Variants in NME7 observed in about 807,000 individuals in gnomAD.
The protein encoded by NME7 is nucleoside diphosphate kinase 7.
NME7 carries 41 observed loss-of-function variants against 49.1 expected under a neutral mutation model. That is an observed-to-expected ratio of 0.83 (90% CI 0.65 to 1.08). The LOEUF (loss-of-function observed/expected upper bound fraction) is 1.08. NME7 is among the 50% of genes least tolerant of loss of function. The pLI is 0.00. For synonymous variants in NME7, 139 were observed against 150.6 expected (o/e 0.92, Z 0.56); for missense variants, 423 against 463.4 (o/e 0.91, Z 0.80).
intron 1 of NME7, among the ~76,000 whole-genome samples, chr1:169,325,591 A>C (rs1371056828): frequency 6.6e-6 from 1 of 152,152 alleles, no homozygotes. Flanking sequence ...TAATAAGCAA[A>C]TAAAAGCATA....
intron 10 of NME7, among the ~76,000 whole-genome samples, chr1:169,225,973 T>C (rs1318725583): frequency 6.6e-6 from 1 of 152,204 alleles, no homozygotes. Context: ...GCAGGACCCA[T>C]TTCGATAGAA....
intron 10 of NME7, among the ~76,000 whole-genome samples, chr1:169,226,039 C>G (rs1339287904): frequency 6.6e-6 from 1 of 151,974 alleles, no homozygotes; most frequent in Non-Finnish European, 1.5e-5. Context: ...TATAATATAG[C>G]CAGTTTATTC....
At chr1:169,347,763 G>A (rs1652999091) in intron 1 of NME7, among the ~76,000 whole-genome samples, 1 of 152,090 alleles carries the variant, frequency 6.6e-6, no homozygotes, top group Non-Finnish European at 1.5e-5. Context: ...ACACTTTACT[G>A]CCACGTGTTA....
chr1:169,277,492 G>C (rs1649785151), intron 7 of NME7, among the ~76,000 whole-genome samples: 2 of 106,466 alleles, frequency 1.9e-5, no homozygotes, highest in African/African-American at 6.4e-5. Context: ...TGTTTTATCA[G>C]AGACTAGGAT....
chr1:169,199,494 TTTTAA>T (rs1405810970), intron 10 of NME7, among the ~76,000 whole-genome samples: 1 of 146,554 alleles, frequency 6.8e-6, no homozygotes, highest in East Asian at 2.0e-4. Flanking sequence ...TTATTATTAT[TTTTAA>T]ATTGAGATGG....
chr1:169,258,405 T>TATATATATATATACAC (rs1422519342), intron 7 of NME7, among the ~76,000 whole-genome samples: 1 of 68,802 alleles, frequency 1.5e-5, no homozygotes, highest in Non-Finnish European at 2.9e-5. Flanking sequence ...TATATATATA[T>TATATATATATATACAC]ACACACACAC....
intron 10 of NME7, among the ~76,000 whole-genome samples, chr1:169,180,824 T>G: frequency 6.6e-6 from 1 of 152,194 alleles, no homozygotes; most frequent in Non-Finnish European, 1.5e-5. Flanking sequence ...TTATGCTAAA[T>G]TTTCAAGTCC....
At chr1:169,299,406 C>T (rs1214846879) in intron 5 of NME7, among the ~76,000 whole-genome samples, 1 of 152,068 alleles carries the variant, frequency 6.6e-6, no homozygotes, top group Admixed American at 6.6e-5. Context: ...GAGTCACAGT[C>T]CCCCAAGGTA....
chr1:169,217,467 TTAAC>T (rs1661003373), intron 10 of NME7, among the ~76,000 whole-genome samples: 1 of 152,246 alleles, frequency 6.6e-6, no homozygotes, highest in Non-Finnish European at 1.5e-5. Flanking sequence ...ATATATTAAA[TTAAC>T]TATATTGTTA....
Position 169,230,406 on chromosome 1 carries a change from C to T in NME7, c.990+312G>A, listed in dbSNP as rs181129152. On this transcript the variant is annotated intron_variant, in intron 10 of 11. Transcript: ENST00000367811. Reference sequence around the variant, plus strand: ...CCCTATGTCAAAGGATATATAATACCTTAGATAATTTCTATTATGAAGCTT... The same window carrying T: ...CCCTATGTCAAAGGATATATAATACTTTAGATAATTTCTATTATGAAGCTT... Among the ~76,000 whole-genome samples, 8 of 151,848 alleles carry T rather than the reference C, an allele frequency of 5.3e-5. No individual in the cohort carries two copies. The East Asian group carries it at 7.7e-4, about 15-fold the overall frequency.
intron 8 of NME7, among the ~76,000 whole-genome samples, chr1:169,237,366 C>T (rs1484499692): frequency 6.6e-6 from 1 of 152,062 alleles, no homozygotes; most frequent in East Asian, 1.9e-4. Flanking sequence ...ACTAAAGTTT[C>T]CAGAATTGTA....
chr1:169,177,875 C>T (rs1659802848), intron 10 of NME7, among the ~76,000 whole-genome samples: 1 of 151,974 alleles, frequency 6.6e-6, no homozygotes, highest in Admixed American at 6.6e-5. Context: ...CTAGCTCTGT[C>T]GCCCAGGCTG....
chr1:169,366,610 T>C (rs1042153485), intron 1 of NME7, among the ~76,000 whole-genome samples: 1 of 152,174 alleles, frequency 6.6e-6, no homozygotes, highest in African/African-American at 2.4e-5. Flanking sequence ...CAAAGATGGA[T>C]GGATTATCCT....
intron 10 of NME7, among the ~76,000 whole-genome samples, chr1:169,217,214 C>A (rs1013522125): frequency 8.5e-5 from 13 of 152,188 alleles, no homozygotes; most frequent in Admixed American, 8.5e-4. Flanking sequence ...CCAATAATAA[C>A]AAATAATGGA....
intron 1 of NME7, among the ~76,000 whole-genome samples, chr1:169,359,190 A>T (rs1388704940): frequency 1.3e-5 from 2 of 152,102 alleles, no homozygotes; most frequent in Non-Finnish European, 2.9e-5. Flanking sequence ...TCATCTCTAA[A>T]TTACTTACAA....
chr1:169,202,882 A>C (rs1660585446), intron 10 of NME7, among the ~76,000 whole-genome samples: 1 of 150,670 alleles, frequency 6.6e-6, no homozygotes, highest in Admixed American at 6.6e-5. Flanking sequence ...ATATTCATGA[A>C]GTAATGGCAT....
intron 7 of NME7, chr1:169,286,982 G>T: frequency 5.2e-6 from 1 of 193,036 alleles, no homozygotes; most frequent in Non-Finnish European, 9.9e-6. Context: ...TGCTATTGAA[G>T]TAAATTAAGT....
chr1:169,348,796 C>A (rs1303418945), intron 1 of NME7, among the ~76,000 whole-genome samples: 1 of 151,524 alleles, frequency 6.6e-6, no homozygotes, highest in Admixed American at 6.6e-5. Flanking sequence ...ATTATGAATT[C>A]CTGAAAAAAA....
intron 10 of NME7, among the ~76,000 whole-genome samples, chr1:169,225,757 A>G (rs1272948312): frequency 1.3e-5 from 2 of 152,140 alleles, no homozygotes; most frequent in East Asian, 3.9e-4. Context: ...ACCGAAAAAA[A>G]TTTTGTTAAT....
Sources: allele counts gnomAD v4.1 joint callset (sites outside exome capture counted in the v4.1 genomes callset), GRCh38; gene constraint gnomAD v4.1.1; transcripts MANE v1.5; gene names NCBI Gene and HGNC (gene_info 2026-07-23, HGNC 2026-07-21).